IQGAP2: variants seen among roughly 807,000 people sequenced by gnomAD.
IQGAP2 encodes ras GTPase-activating-like protein IQGAP2.
IQGAP2 carries 173 observed loss-of-function variants against 201.3 expected under a neutral mutation model. The observed-to-expected ratio is 0.86, with a 90% CI of 0.76 to 0.98. The LOEUF is 0.98. Among genes scored for constraint, IQGAP2 ranks in the 50% least tolerant of loss-of-function variants. IQGAP2 has a pLI of 0.00. For missense variants in IQGAP2, 1,687 were observed against 1,864.8 expected, an observed-to-expected ratio of 0.90 and a Z score of 1.76; for synonymous variants, 675 against 673.9, an observed-to-expected ratio of 1.00 and a Z score of -0.03.
chr5:76,503,448 T>A (rs1207976122), intron 2 of IQGAP2, among the ~76,000 whole-genome samples: 1 of 152,088 alleles, frequency 6.6e-6, no homozygotes, highest in African/African-American at 2.4e-5. Flanking sequence ...GTGCTGGGAT[T>A]ACAGGCATCA....
At chr5:76,652,451 C>A (rs916143487) in intron 17 of IQGAP2, among the ~76,000 whole-genome samples, 5 of 152,128 alleles carry the variant, frequency 3.3e-5, no homozygotes, top group African/African-American at 4.8e-5. Context: ...CATTTTACTC[C>A]TTTTTGCCAC....
At chr5:76,599,117 C>T (rs1304663714) in intron 10 of IQGAP2, among the ~76,000 whole-genome samples, 2 of 151,936 alleles carry the variant, frequency 1.3e-5, no homozygotes, top group Non-Finnish European at 2.9e-5. Flanking sequence ...TGTGGTAGTT[C>T]CTGTCTGTAA....
chr5:76,693,018 A>T (rs1248684865), intron 30 of IQGAP2, among the ~76,000 whole-genome samples: 1 of 152,228 alleles, frequency 6.6e-6, no homozygotes, highest in Non-Finnish European at 1.5e-5. Flanking sequence ...CCATATCAGC[A>T]GCACTTGCTC....
chr5:76,681,106 A>C (rs1454661206), intron 28 of IQGAP2, among the ~76,000 whole-genome samples: 9 of 150,498 alleles, frequency 6.0e-5, no homozygotes, highest in East Asian at 3.9e-4. Flanking sequence ...AAAAAAAAAA[A>C]AAAAAAAAAA....
intron 16 of IQGAP2, among the ~76,000 whole-genome samples, chr5:76,637,998 C>T (rs933311969): frequency 1.3e-5 from 2 of 152,170 alleles, no homozygotes; most frequent in African/African-American, 2.4e-5. Context: ...AGCAATTTGT[C>T]CCTCCTCTCA....
At chr5:76,452,905 C>CTTTTTTTTT (rs71604293) in intron 1 of IQGAP2, among the ~76,000 whole-genome samples, 1 of 106,058 alleles carries the variant, frequency 9.4e-6, no homozygotes, top group Non-Finnish European at 1.9e-5. Context: ...CAATTCCTAT[C>CTTTTTTTTT]TTTTTTTTTT....
At chr5:76,650,348 T>C (rs938904604) in intron 17 of IQGAP2, among the ~76,000 whole-genome samples, 4 of 152,272 alleles carry the variant, frequency 2.6e-5, no homozygotes, top group Non-Finnish European at 5.9e-5. Context: ...GTTGCCTTTA[T>C]AAAGTAGCTA....
chr5:76,596,633 A>G (rs1747051300), intron 9 of IQGAP2, among the ~76,000 whole-genome samples: 1 of 152,192 alleles, frequency 6.6e-6, no homozygotes, highest in South Asian at 2.1e-4. Context: ...ACTTACGATC[A>G]TGGCAGAAGG....
At chr5:76,429,076 C>CAAAA (rs58775525) in intron 1 of IQGAP2, among the ~76,000 whole-genome samples, 3 of 138,428 alleles carry the variant, frequency 2.2e-5, no homozygotes, top group Non-Finnish European at 4.6e-5. Flanking sequence ...GACTCTGTCT[C>CAAAA]AAAAAAAAAA....
At chr5:76,541,341 G>A (rs768487010) in intron 2 of IQGAP2, among the ~76,000 whole-genome samples, 3 of 152,212 alleles carry the variant, frequency 2.0e-5, no homozygotes, top group Admixed American at 6.5e-5. Context: ...AAGTTTCATC[G>A]TGTGGCATTT....
chr5:76,680,053 T>A (rs972453414), intron 28 of IQGAP2, among the ~76,000 whole-genome samples: 13 of 152,184 alleles, frequency 8.5e-5, no homozygotes, highest in African/African-American at 3.1e-4. Flanking sequence ...AAATTTAGCA[T>A]CAAACAGATA....
At chr5:76,411,317 T>G (rs1337932195) in intron 1 of IQGAP2, among the ~76,000 whole-genome samples, 1 of 152,242 alleles carries the variant, frequency 6.6e-6, no homozygotes, top group African/African-American at 2.4e-5. Flanking sequence ...GTAAACCACA[T>G]GCTAACCAGG....
intron 13 of IQGAP2, among the ~76,000 whole-genome samples, chr5:76,622,150 CT>C (rs1262679624): frequency 1.3e-5 from 2 of 152,106 alleles, no homozygotes; most frequent in Non-Finnish European, 2.9e-5. Context: ...AATTCACTGC[CT>C]CTTTGTTTCC....
intron 2 of IQGAP2, among the ~76,000 whole-genome samples, chr5:76,542,256 C>T (rs772349048): frequency 2.0e-5 from 3 of 152,326 alleles, no homozygotes; most frequent in South Asian, 2.1e-4. Flanking sequence ...CCACTGTGCC[C>T]GGCCACTATT....
chr5:76,550,015 T>C (rs188205646), intron 2 of IQGAP2, among the ~76,000 whole-genome samples: 22 of 152,342 alleles, frequency 1.4e-4, no homozygotes, highest in African/African-American at 5.3e-4. Flanking sequence ...TAACCCATTC[T>C]AGCATCAATT....
chr5:76,543,966 A>C lies in IQGAP2; in HGVS notation c.147-18430A>C, dbSNP rs563480428. Among the ~76,000 whole-genome samples the C allele has an allele frequency of 4.5e-4, 68 of 152,300 alleles. 1 individual carries two copies. The highest frequency in any genetic ancestry group is 6.2e-4 in the South Asian group (3 of 4,820). ...TAGGCAGGTGAAATGGTACTTAACT[A>C]TCTGTCTGGAAACTCCTAAGCGCCT... On this transcript the variant is annotated intron_variant, in intron 2 of 35. Coordinates refer to ENST00000274364, the MANE Select transcript of IQGAP2 (RefSeq NM_006633.5).
intron 13 of IQGAP2, chr5:76,618,720 TTC>T: frequency 8.1e-7 from 1 of 1,240,580 alleles, no homozygotes; most frequent in Non-Finnish European, 1.1e-6. Context: ...TGTAAATAAT[TTC>T]TGTGATTGTA....
At chr5:76,653,771 C>T (rs561968109) in intron 18 of IQGAP2, among the ~76,000 whole-genome samples, 19 of 152,100 alleles carry the variant, frequency 1.2e-4, no homozygotes, top group Non-Finnish European at 2.2e-4. Context: ...GAGACCTCTT[C>T]GATGTTTTCC....
chr5:76,556,875 C>T (rs1331667434), intron 2 of IQGAP2, among the ~76,000 whole-genome samples: 4 of 152,202 alleles, frequency 2.6e-5, no homozygotes, highest in Non-Finnish European at 5.9e-5. Context: ...TGAATAGGCT[C>T]TAAGTTTCCT....
Sources: gnomAD v4.1 joint callset for allele counts (sites outside exome capture counted in the v4.1 genomes callset) on GRCh38, gnomAD v4.1.1 for gene constraint, MANE v1.5 for transcripts, NCBI Gene and HGNC (gene_info 2026-07-23, HGNC 2026-07-21) for gene names.